The following ARPC1A variants were observed in gnomAD, a reference collection of about 807,000 sequenced individuals.
ARPC1A encodes actin related protein 2/3 complex subunit 1A.
ARPC1A carries 8 observed loss-of-function variants against 46.9 expected under a neutral mutation model. That is an observed-to-expected ratio of 0.17 (90% CI 0.10 to 0.31). ARPC1A has a LOEUF of 0.31. Ranked by LOEUF, ARPC1A falls within the 10% of genes least tolerant of loss-of-function variation. The probability of loss-of-function intolerance (pLI) is 1.00; values close to 1 mark genes in which losing one functional copy is unlikely to be tolerated. For missense variants in ARPC1A, 286 were observed against 483.6 expected (o/e 0.59, Z 3.83); for synonymous variants, 152 against 169.0 (o/e 0.90, Z 0.78).
intron 1 of ARPC1A, among the ~76,000 whole-genome samples, chr7:99,327,953 G>T (rs1793076092): frequency 6.6e-6 from 1 of 152,130 alleles, no homozygotes; most frequent in South Asian, 2.1e-4. Context: ...CTAAACAGGG[G>T]ACAGAAATGC....
chr7:99,353,812 T>C, intron 5 of ARPC1A, 97 bp from the exon 6 acceptor site: 4 of 1,229,410 alleles, frequency 3.3e-6, no homozygotes, highest in Non-Finnish European at 4.6e-6. Flanking sequence ...GTCAACCTCT[T>C]TGCATTCTGA....
chr7:99,358,452 G>A, intron 7 of ARPC1A, 37 bp downstream of exon 7: 2 of 1,570,034 alleles, frequency 1.3e-6, no homozygotes, highest in South Asian at 1.1e-5. Context: ...GGGGTGCACT[G>A]TATGTGATGC....
At chr7:99,348,138 G>A (rs1793490704) in intron 4 of ARPC1A, among the ~76,000 whole-genome samples, 1 of 152,124 alleles carries the variant, frequency 6.6e-6, no homozygotes, top group Non-Finnish European at 1.5e-5. Flanking sequence ...TGGAGACTTG[G>A]GAAGGATATT....
In ARPC1A at chr7:99,327,232, A is replaced by G. The variant is rs369510633; in HGVS notation, c.-30+1228A>G. 8.6e-5 allele frequency among the ~76,000 whole-genome samples: 13 copies of G among 151,790 alleles called. No individual in the cohort carries two copies. The East Asian group carries it at 2.1e-3, about 25-fold the overall frequency. ...CTGCAGCCTCGACCTCCTGGGCTTA[A>G]CAGATCCTCCCACCTCAGCCTCCTG... On this transcript the variant is annotated intron_variant, in intron 1 of 9. Transcript: ENST00000262942.
chr7:99,358,296 A>AAT (rs749685414), intron 6 of ARPC1A, 44 bp from the exon 7 acceptor site: 17 of 1,577,680 alleles, frequency 1.1e-5, no homozygotes, highest in Non-Finnish European at 1.5e-5. Flanking sequence ...TAAAGAAGCT[A>AAT]ATAGTCTGTT....
rs1198178592 is a variant in ARPC1A, at chr7:99,359,686, A to G, written c.931A>G (p.Thr311Ala). 1 of 1,614,072 alleles carries G rather than the reference A, an allele frequency of 6.2e-7. No individual in the cohort carries two copies. The highest frequency in any genetic ancestry group is 1.3e-5 in the African/African-American group (1 of 74,948). The stretch of plus-strand genomic sequence containing the variant: ...CTTCCGCAACATGGACAAGAGAGCC[A>G]CAACTGAGGACCGCAACACGGCCTT... ...ERFRNMDKRA[T>A]TEDRNTALET... The change falls in exon 8 of 10, where the codon ACA (threonine) becomes GCA (alanine). Residue 311 changes from threonine (T) to alanine (A), a missense_variant. Thr to Ala is a moderately conservative substitution (Grantham distance 58). This residue lies in a region of ARPC1A where 182 missense variants were observed against 276.7 expected (regional missense o/e 0.66). Coordinates refer to ENST00000262942, the MANE Select transcript of ARPC1A (RefSeq NM_006409.4).
chr7:99,350,233 GT>G (rs1181898652), intron 5 of ARPC1A, among the ~76,000 whole-genome samples: 1 of 152,140 alleles, frequency 6.6e-6, no homozygotes, highest in Admixed American at 6.6e-5. Flanking sequence ...TACTCTCTCT[GT>G]CTCTGTCTCT....
At chr7:99,335,090 C>A (rs183659259) in intron 2 of ARPC1A, among the ~76,000 whole-genome samples, 6 of 152,032 alleles carry the variant, frequency 3.9e-5, no homozygotes, top group Non-Finnish European at 7.4e-5. Context: ...GTGATCTGCC[C>A]GCCTTGGCCT....
intron 8 of ARPC1A, 96 bp from the exon 9 acceptor site, chr7:99,363,447 T>A: frequency 1.1e-6 from 1 of 875,166 alleles, no homozygotes; most frequent in Non-Finnish European, 1.8e-6. Context: ...AGAAGATAAT[T>A]CATTTCCTTA....
intron 1 of ARPC1A, among the ~76,000 whole-genome samples, chr7:99,327,468 G>A (rs1416453068): frequency 6.9e-6 from 1 of 145,734 alleles, no homozygotes; most frequent in Admixed American, 6.8e-5. Context: ...GAGCCACTGC[G>A]CCTGGCTAAT....
chr7:99,339,979 A>C (rs1371307939), intron 3 of ARPC1A: 1 of 456,200 alleles, frequency 2.2e-6, no homozygotes, highest in African/African-American at 2.0e-5. Flanking sequence ...GGAAGACTGA[A>C]GAATGCATGA....
In ARPC1A at chr7:99,342,958, G is replaced by A. The variant is rs932612013; in HGVS notation, c.170-1335G>A. On this transcript the variant is annotated intron_variant, in intron 3 of 9. Transcript: ENST00000262942. ...AGGATAGTCTCGATCTCCTAACCTCGTGATCCGCCTGCCTCGGCCTCCCAA... is the reference window on the plus strand; with the variant it reads ...AGGATAGTCTCGATCTCCTAACCTCATGATCCGCCTGCCTCGGCCTCCCAA... 3.7e-4 allele frequency among the ~76,000 whole-genome samples: 56 copies of A among 151,800 alleles called. 1 individual carries two copies. Among genetic ancestry groups the A allele is most frequent in the Admixed American group, 2.7e-3 (41 of 15,224 alleles).
intron 4 of ARPC1A, among the ~76,000 whole-genome samples, chr7:99,345,116 G>T (rs1286686434): frequency 6.6e-6 from 1 of 151,318 alleles, no homozygotes; most frequent in Non-Finnish European, 1.5e-5. Context: ...TGTAGTTTTA[G>T]TAGAGACAAG....
Position 99,346,117 on chromosome 7 carries a change from G to T in ARPC1A, c.392+1602G>T, listed in dbSNP as rs909642459. On this transcript the variant is annotated intron_variant, in intron 4 of 9. Transcript: ENST00000262942. ...TGTAATCCCAGCTACCTGGGAGGCT[G>T]AGGCAGGAGAATCTCTTGAACCCAG... Among the ~76,000 whole-genome samples the T allele has an allele frequency of 7.2e-5, 11 of 151,936 alleles. No homozygotes were observed. The South Asian group carries it at 2.3e-3, about 32-fold the overall frequency.
At chr7:99,355,255 C>T (rs1473126295) in intron 6 of ARPC1A, among the ~76,000 whole-genome samples, 1 of 151,968 alleles carries the variant, frequency 6.6e-6, no homozygotes. Flanking sequence ...GCACTCCAGC[C>T]TGGGCAACAA....
rs1793833924 is a variant in ARPC1A at position 99,365,949 on chromosome 7, A to G, written c.*20A>G. ...ATGTGAAGCTGAGTGAGCCTCCGCCATCCAGCATGACAAACTGTGGCCGAC... is the reference window on the plus strand; with the variant it reads ...ATGTGAAGCTGAGTGAGCCTCCGCCGTCCAGCATGACAAACTGTGGCCGAC... On this transcript the variant is annotated 3_prime_UTR_variant, in exon 10 of 10. Coordinates refer to ENST00000262942, the MANE Select transcript of ARPC1A (RefSeq NM_006409.4). The G allele has an allele frequency of 1.3e-6, 2 of 1,565,360 alleles. No homozygotes were observed. Among genetic ancestry groups the G allele is most frequent in the Non-Finnish European group, 1.7e-6 (2 of 1,153,278 alleles).
intron 8 of ARPC1A, among the ~76,000 whole-genome samples, chr7:99,362,306 A>G (rs1343595165): frequency 4.6e-5 from 7 of 150,904 alleles, no homozygotes; most frequent in Non-Finnish European, 1.0e-4. Flanking sequence ...TAAATAAATA[A>G]ATAAAATAAA....
rs773895160 is a variant in ARPC1A, at chr7:99,354,058, G to A, written c.650G>A (p.Ser217Asn). 1.9e-6 allele frequency: 3 copies of A among 1,614,048 alleles called. No individual in the cohort carries two copies. The South Asian group carries it at 3.3e-5, about 18-fold the overall frequency. The part of the protein sequence containing the change: ...VHGVSFSASG[S>N]RLAWVSHDST... Reference sequence around the variant, plus strand: ...GGGGTAAGCTTCTCTGCCAGTGGGAGCCGCCTGGCCTGGGTCAGCCACGAC... The same window carrying A: ...GGGGTAAGCTTCTCTGCCAGTGGGAACCGCCTGGCCTGGGTCAGCCACGAC... The change falls in exon 6 of 10, where the codon AGC becomes AAC. Residue 217 changes from serine to asparagine, a missense_variant. Ser to Asn is a conservative substitution (Grantham distance 46). Around this residue, in one of 5 missense-constraint regions of ARPC1A, gnomAD observed 182 missense variants for 276.7 expected, o/e 0.66. Coordinates refer to ENST00000262942, the MANE Select transcript of ARPC1A (RefSeq NM_006409.4).
intron 5 of ARPC1A, among the ~76,000 whole-genome samples, chr7:99,350,811 G>C (rs1317788338): frequency 1.3e-5 from 2 of 151,084 alleles, no homozygotes; most frequent in Non-Finnish European, 3.0e-5. Flanking sequence ...ATGCCTGGCT[G>C]ATTTTGTTTA....
Sources: gnomAD v4.1 joint callset for allele counts (sites outside exome capture counted in the v4.1 genomes callset) on GRCh38, gnomAD v4.1.1 for gene constraint, gnomAD v4.1.1 regional missense constraint, MANE v1.5 for transcripts, NCBI Gene and HGNC (gene_info 2026-07-23, HGNC 2026-07-21) for gene names.